MYLK3: variants seen among roughly 807,000 people sequenced by gnomAD.
MYLK3 encodes the protein myosin light chain kinase 3, also known as MLC kinase.
Under a neutral mutation model 76.3 loss-of-function variants are expected in MYLK3, and 55 were observed. The observed-to-expected ratio is 0.72, with a 90% CI of 0.58 to 0.90. The LOEUF is 0.90. MYLK3 is among the 40% of genes least tolerant of loss of function. The probability of loss-of-function intolerance (pLI) is 0.00; values close to 1 mark genes in which losing one functional copy is unlikely to be tolerated. For synonymous variants in MYLK3, 416 were observed against 425.4 expected (o/e 0.98, Z 0.27); for missense variants, 973 against 1,053.6 (o/e 0.92, Z 1.06).
intron 11 of MYLK3, among the ~76,000 whole-genome samples, chr16:46,710,394 G>T (rs1439528342): frequency 1.3e-5 from 2 of 152,196 alleles, no homozygotes; most frequent in African/African-American, 4.8e-5. Flanking sequence ...CTTGCAGATA[G>T]GACCAATCTA....
intron 11 of MYLK3, among the ~76,000 whole-genome samples, chr16:46,710,164 G>A (rs536791445): frequency 5.6e-4 from 86 of 152,216 alleles, no homozygotes; most frequent in African/African-American, 1.9e-3. Flanking sequence ...CAGACTCCTG[G>A]GCCTTAGCCT....
In MYLK3 at chr16:46,709,586, T is replaced by C; in HGVS notation, c.2353A>G (p.Lys785Glu). Residue 785 changes from lysine (K) to glutamate (E), a missense_variant, in exon 12 of 13, where the codon AAA becomes GAA. Physicochemically the swap from Lys to Glu is moderately conservative, Grantham distance 56. Transcript: ENST00000394809. ...AKASRSKTRL[K>E]SQLLLQKYIA... ...TATTTCTGCAGCAGTAGTTGGGATT[T>C]GAGACGAGTTTTGGATCTTGAAGCT... 1 of 1,614,204 alleles carries C rather than the reference T, an allele frequency of 6.2e-7. No homozygotes were observed. The highest frequency in any genetic ancestry group is 8.5e-7 in the Non-Finnish European group (1 of 1,180,034).
chr16:46,713,458 C>A (rs1406617342), intron 9 of MYLK3, among the ~76,000 whole-genome samples: 3 of 152,120 alleles, frequency 2.0e-5, no homozygotes, highest in Non-Finnish European at 4.4e-5. Context: ...CTCAGCCTCC[C>A]AAAGTGCTGG....
At chr16:46,756,194 G>C (rs1967198598) in intron 1 of MYLK3, among the ~76,000 whole-genome samples, 1 of 152,184 alleles carries the variant, frequency 6.6e-6, no homozygotes, top group South Asian at 2.1e-4. Context: ...ACAAGTGTGA[G>C]CCACCTCGCC....
intron 8 of MYLK3, among the ~76,000 whole-genome samples, chr16:46,725,593 A>G (rs1966839336): frequency 6.6e-6 from 1 of 152,222 alleles, no homozygotes. Flanking sequence ...TTCATATGTT[A>G]AACCAACCTT....
chr16:46,763,064 G>T (rs557380500), exon 1 of MYLK3: 5 of 985,338 alleles, frequency 5.1e-6, no homozygotes, highest in East Asian at 2.3e-4. Flanking sequence ...GGGTCCCAAG[G>T]GATCTGTCCA....
At chr16:46,732,151 G>T in intron 4 of MYLK3, 57 bp downstream of exon 4, 1 of 1,421,188 alleles carries the variant, frequency 7.0e-7, no homozygotes, top group Admixed American at 2.3e-5. Context: ...CAGGAGTAGG[G>T]GCTCCAAACT....
At chr16:46,753,241 G>A (rs1567293497), upstream of MYLK3, among the ~76,000 whole-genome samples, 1 of 152,204 alleles carries the variant, frequency 6.6e-6, no homozygotes, top group East Asian at 1.9e-4. Context: ...ATGGGGAGCA[G>A]GAATGCAAGA....
At chr16:46,708,113 C>T (rs939689519) in intron 12 of MYLK3, among the ~76,000 whole-genome samples, 3 of 151,998 alleles carry the variant, frequency 2.0e-5, no homozygotes, top group Admixed American at 2.0e-4. Flanking sequence ...TCAAGCAATC[C>T]TCCCACCTCA....
rs1967053775 is a variant in MYLK3, at chr16:46,747,756, C to A, written c.438G>T (p.Val146=). 2 of 1,614,136 alleles carry A rather than the reference C, an allele frequency of 1.2e-6. No homozygotes were observed. The highest frequency in any genetic ancestry group is 1.7e-5 in the Admixed American group (1 of 60,032). ...CACCTGGGCTGCCTCTCCTCCAGGG[C>A]ACACGCCCCTGCATGAGGAAATCCG... The part of the protein sequence containing the change: ...KVADFLMQGR[V]PWRRGSPGDS... The change falls in exon 1 of 13, where the codon GTG becomes GTT. Residue 146 remains valine (V), a synonymous_variant. Transcript: ENST00000394809.
chr16:46,751,565 C>T (rs1264207475), upstream of MYLK3, among the ~76,000 whole-genome samples: 1 of 152,222 alleles, frequency 6.6e-6, no homozygotes, highest in Non-Finnish European at 1.5e-5. Context: ...TTCCCGGAGG[C>T]ACCAGCCGCC....
At chr16:46,760,301 G>A (rs1233926124) in intron 1 of MYLK3, among the ~76,000 whole-genome samples, 1 of 152,178 alleles carries the variant, frequency 6.6e-6, no homozygotes, top group Admixed American at 6.5e-5. Context: ...GCGCAGCTTT[G>A]GGACCCCACC....
intron 1 of MYLK3, among the ~76,000 whole-genome samples, chr16:46,745,938 G>T (rs1019682602): frequency 2.6e-5 from 4 of 152,080 alleles, no homozygotes; most frequent in African/African-American, 9.7e-5. Flanking sequence ...GGTGTTCTGG[G>T]GCCTGGGGGA....
intron 3 of MYLK3, among the ~76,000 whole-genome samples, chr16:46,734,940 G>A (rs1229799070): frequency 1.3e-5 from 2 of 152,032 alleles, no homozygotes; most frequent in South Asian, 2.1e-4. Flanking sequence ...CCAGGAGTTC[G>A]AGACCAGCCT....
At chr16:46,757,454 G>T in intron 1 of MYLK3, 1 of 985,466 alleles carries the variant, frequency 1.0e-6, no homozygotes, top group African/African-American at 1.7e-5. Flanking sequence ...GACGCCCGCT[G>T]CTGGCCTCTG....
At chr16:46,716,629 G>A (rs762100588) in intron 9 of MYLK3, among the ~76,000 whole-genome samples, 2 of 151,862 alleles carry the variant, frequency 1.3e-5, no homozygotes, top group Non-Finnish European at 2.9e-5. Flanking sequence ...TCCTTCTCCA[G>A]TCCTTCTTTC....
Position 46,706,295 on chromosome 16 carries a change from T to TC in MYLK3, c.*1408_*1409insG, listed in dbSNP as rs1348383830. The TC allele has an allele frequency of 3.3e-4, 48 of 145,568 alleles. No individual in the cohort carries two copies. Among genetic ancestry groups the TC allele is most frequent in the African/African-American group, 1.2e-3 (47 of 39,844 alleles). 9.0% of individuals were successfully genotyped at this position (145,568 alleles called of 1,614,324 possible). Reference sequence around the variant, plus strand: ...TGTATATATACATATACTGTATTCTTTTTTTTTTTTTTTTTTGAGACGGAG... The same window carrying TC: ...TGTATATATACATATACTGTATTCTTCTTTTTTTTTTTTTTTTGAGACGGAG... On this transcript the variant is annotated 3_prime_UTR_variant, in exon 13 of 13. Coordinates refer to ENST00000394809, the MANE Select transcript of MYLK3 (RefSeq NM_182493.3).
intron 9 of MYLK3, among the ~76,000 whole-genome samples, chr16:46,713,807 C>T (rs1279166127): frequency 6.6e-6 from 1 of 152,202 alleles, no homozygotes; most frequent in Admixed American, 6.5e-5. Flanking sequence ...TTAGATTCCA[C>T]ACCTAAGTGA....
chr16:46,729,776 A>T, intron 5 of MYLK3, 89 bp from the exon 6 acceptor site: 1 of 1,135,600 alleles, frequency 8.8e-7, no homozygotes, highest in Non-Finnish European at 1.3e-6. Flanking sequence ...TCATCCACAC[A>T]CAGGCCATGT....
Sources: allele counts gnomAD v4.1 joint callset (sites outside exome capture counted in the v4.1 genomes callset), GRCh38; gene constraint gnomAD v4.1.1; transcripts MANE v1.5; gene names NCBI Gene and HGNC (gene_info 2026-07-23, HGNC 2026-07-21).